Variants in DPYD observed in about 807,000 individuals in gnomAD.
The protein encoded by DPYD is dihydropyrimidine dehydrogenase.
In DPYD, 109 loss-of-function variants were observed where a neutral mutation model predicts 116.2. The observed-to-expected ratio is 0.94, with a 90% CI of 0.80 to 1.10. The LOEUF (loss-of-function observed/expected upper bound fraction) is 1.10. Ranked by LOEUF, DPYD falls within the 50% of genes least tolerant of loss-of-function variation. The probability of loss-of-function intolerance (pLI) is 0.00; values close to 1 mark genes in which losing one functional copy is unlikely to be tolerated. For missense variants in DPYD, 1,302 were observed against 1,254.5 expected (o/e 1.04, Z -0.57); for synonymous variants, 440 against 432.0 (o/e 1.02, Z -0.23).
At chr1:97,455,421 C>T (rs2039676) in intron 13 of DPYD, among the ~76,000 whole-genome samples, 123,371 of 151,786 alleles carry the variant, frequency 0.81, 50,608 homozygotes, top group Middle Eastern at 0.88. Flanking sequence ...TTTGGTTTTA[C>T]AAACTAGGAG....
At chr1:97,153,969 T>C (rs1655227106) in intron 20 of DPYD, among the ~76,000 whole-genome samples, 1 of 106,268 alleles carries the variant, frequency 9.4e-6, no homozygotes, top group Non-Finnish European at 1.8e-5. Flanking sequence ...AGAATGGCCA[T>C]GATCAAAAAA....
At chr1:97,126,656 T>A (rs1003594086) in intron 20 of DPYD, among the ~76,000 whole-genome samples, 2 of 152,202 alleles carry the variant, frequency 1.3e-5, no homozygotes, top group Admixed American at 1.3e-4. Flanking sequence ...TACACTATAC[T>A]GAGTACCTGA....
At chr1:97,681,827 G>A (rs986674709) in intron 7 of DPYD, among the ~76,000 whole-genome samples, 1 of 152,106 alleles carries the variant, frequency 6.6e-6, no homozygotes, top group Non-Finnish European at 1.5e-5. Flanking sequence ...CATTCTAATA[G>A]AATATTAGCA....
At chr1:97,568,685 T>C (rs962877382) in intron 11 of DPYD, among the ~76,000 whole-genome samples, 9 of 152,236 alleles carry the variant, frequency 5.9e-5, no homozygotes, top group South Asian at 2.1e-4. Flanking sequence ...TAGAATTATT[T>C]TTCTAACTTT....
chr1:97,402,169 GGATTTCTACTGT>G (rs1673413296), intron 14 of DPYD, among the ~76,000 whole-genome samples: 1 of 152,014 alleles, frequency 6.6e-6, no homozygotes, highest in Non-Finnish European at 1.5e-5. Flanking sequence ...CAACTTGCGG[GGATTTCTACTGT>G]GATTACATTG....
chr1:97,434,190 G>T (rs1331740956), intron 14 of DPYD, among the ~76,000 whole-genome samples: 1 of 152,032 alleles, frequency 6.6e-6, no homozygotes, highest in African/African-American at 2.4e-5. Flanking sequence ...CCTAAATTTT[G>T]CATGACTAAA....
At chr1:97,691,604 T>C in intron 7 of DPYD, 113 bp downstream of exon 7, 1 of 915,682 alleles carries the variant, frequency 1.1e-6, no homozygotes, top group Non-Finnish European at 1.7e-6. Flanking sequence ...TTCTGCCTGA[T>C]GTAGCTTTTA....
At chr1:97,557,313 T>C (rs569527506) in intron 11 of DPYD, among the ~76,000 whole-genome samples, 27 of 138,204 alleles carry the variant, frequency 2.0e-4, no homozygotes, top group East Asian at 9.9e-4. Context: ...CTTTTCTTTT[T>C]TTTTTTTTTT....
rs1409404759 is a variant in DPYD, at chr1:97,525,893, CGCGTGT to C, written c.1525-9958_1525-9953del. ...GTGCGTGTGTGTGTGTGTGCGCGCG[CGCGTGT>C]GTGTGTGTGTGTGTTTTAGGCCAGT... is the stretch of plus-strand genomic sequence containing the variant. On this transcript the variant is annotated intron_variant, in intron 12 of 22. Transcript: ENST00000370192. 9.8e-5 allele frequency among the ~76,000 whole-genome samples: 10 copies of C among 101,626 alleles called. No homozygotes were observed. The South Asian group carries it at 3.9e-3, about 40-fold the overall frequency. The allele number at this position is 101,626 out of a possible 152,430, so 66.7% of individuals were successfully genotyped here.
At chr1:97,858,879 C>A (rs918279302) in intron 2 of DPYD, among the ~76,000 whole-genome samples, 4 of 152,002 alleles carry the variant, frequency 2.6e-5, no homozygotes, top group Non-Finnish European at 4.4e-5. Context: ...ATGTGTTTGA[C>A]AAATATTATG....
At chr1:97,490,575 G>C (rs1009078499) in intron 13 of DPYD, among the ~76,000 whole-genome samples, 3 of 149,330 alleles carry the variant, frequency 2.0e-5, no homozygotes, top group Non-Finnish European at 4.4e-5. Context: ...ATGCATCTCA[G>C]GGAATGTTGG....
In DPYD at chr1:97,364,784, C is replaced by G. The variant is rs182736404; in HGVS notation, c.2058+8777G>C. Among the ~76,000 whole-genome samples, 133 of 152,134 alleles carry G rather than the reference C, an allele frequency of 8.7e-4. 3 individuals are homozygous for G. The highest frequency in any genetic ancestry group is 1.3e-4 in the Admixed American group (2 of 15,266). ...TTCCCCAATGATCATGACAAAAGAGCCTTCAGTCTTCAGCCAATACTCCTA... is the reference window on the plus strand; with the variant it reads ...TTCCCCAATGATCATGACAAAAGAGGCTTCAGTCTTCAGCCAATACTCCTA... On this transcript the variant is annotated intron_variant, in intron 16 of 22. Transcript: ENST00000370192.
intron 16 of DPYD, among the ~76,000 whole-genome samples, chr1:97,314,491 T>TG (rs1553252997): frequency 4.9e-3 from 62 of 12,650 alleles, no homozygotes; most frequent in African/African-American, 0.022. Context: ...TAAAGCTTTC[T>TG]TTTTTTTTTT....
At chr1:97,630,882 G>A (rs1657218821) in intron 8 of DPYD, among the ~76,000 whole-genome samples, 1 of 152,052 alleles carries the variant, frequency 6.6e-6, no homozygotes, top group Admixed American at 6.6e-5. Context: ...ACAACTTCCT[G>A]CCCTTTACAA....
chr1:97,813,063 A>G (rs1668412058), intron 3 of DPYD, among the ~76,000 whole-genome samples: 1 of 152,152 alleles, frequency 6.6e-6, no homozygotes, highest in African/African-American at 2.4e-5. Context: ...CATACAAGGA[A>G]CAACTTTCAG....
chr1:97,522,482 G>A (rs1009302381), intron 12 of DPYD, among the ~76,000 whole-genome samples: 1 of 152,088 alleles, frequency 6.6e-6, no homozygotes, highest in Non-Finnish European at 1.5e-5. Context: ...CAGCACTTTG[G>A]GAGGCTGAGG....
At chr1:97,147,897 C>T (rs1654745447) in intron 20 of DPYD, among the ~76,000 whole-genome samples, 1 of 152,100 alleles carries the variant, frequency 6.6e-6, no homozygotes, top group Non-Finnish European at 1.5e-5. Context: ...TTGGTATAGC[C>T]TAAGTTGGTA....
intron 18 of DPYD, among the ~76,000 whole-genome samples, chr1:97,285,278 T>A (rs1239256195): frequency 3.3e-5 from 5 of 152,206 alleles, no homozygotes; most frequent in Non-Finnish European, 5.9e-5. Context: ...AACAACTGCT[T>A]GCTCGCAGAA....
At chr1:97,098,066 C>T (rs1411716082) in intron 21 of DPYD, among the ~76,000 whole-genome samples, 2 of 152,050 alleles carry the variant, frequency 1.3e-5, no homozygotes, top group Non-Finnish European at 2.9e-5. Context: ...GAGGCCAAAC[C>T]AGAGAAAGTT....
Sources: gnomAD v4.1 joint callset for allele counts (sites outside exome capture counted in the v4.1 genomes callset) on GRCh38, gnomAD v4.1.1 for gene constraint, MANE v1.5 for transcripts, NCBI Gene and HGNC (gene_info 2026-07-23, HGNC 2026-07-21) for gene names.